TBCK: variants seen among roughly 807,000 people sequenced by gnomAD.
The protein encoded by TBCK is TBC1 domain containing kinase.
In TBCK, 99 loss-of-function variants were observed where a neutral mutation model predicts 113.4. That is an observed-to-expected ratio of 0.87 (90% CI 0.74 to 1.03). TBCK has a LOEUF of 1.03. Ranked by LOEUF, TBCK falls within the 50% of genes least tolerant of loss-of-function variation. The pLI is 0.00. For missense variants in TBCK, 1,045 were observed against 1,061.3 expected (o/e 0.98, Z 0.21); for synonymous variants, 369 against 370.8 (o/e 1.00, Z 0.05).
At chr4:106,280,752 T>G (rs992200625) in intron 3 of TBCK, among the ~76,000 whole-genome samples, 6 of 152,120 alleles carry the variant, frequency 3.9e-5, no homozygotes, top group African/African-American at 9.7e-5. Context: ...ATGTAAGGAT[T>G]TGTTTCTGGT....
chr4:106,176,251 A>G (rs986715671), intron 22 of TBCK, among the ~76,000 whole-genome samples: 9 of 152,074 alleles, frequency 5.9e-5, no homozygotes, highest in African/African-American at 2.2e-4. Flanking sequence ...TGTGCTGTCT[A>G]TTGAACAACA....
chr4:106,152,959 T>A (rs1363135654), intron 23 of TBCK, among the ~76,000 whole-genome samples: 1 of 151,298 alleles, frequency 6.6e-6, no homozygotes, highest in Admixed American at 6.6e-5. Context: ...GATCTTCTCG[T>A]TTTTTGGTTA....
intron 23 of TBCK, among the ~76,000 whole-genome samples, chr4:106,130,599 C>T (rs959877997): frequency 6.6e-6 from 1 of 150,442 alleles, no homozygotes; most frequent in South Asian, 2.1e-4. Context: ...TACACACACA[C>T]ACACACACAC....
upstream of TBCK, chr4:106,316,404 G>T: frequency 1.3e-6 from 1 of 751,142 alleles, no homozygotes. Flanking sequence ...AAGACGAGGA[G>T]CGTGGTATGG....
chr4:106,070,989 A>G (rs1000846196), intron 25 of TBCK, among the ~76,000 whole-genome samples: 2 of 150,306 alleles, frequency 1.3e-5, no homozygotes, highest in Admixed American at 1.3e-4. Flanking sequence ...CGGTGGTGAT[A>G]TCCCTTTTAT....
At chr4:106,196,502 C>G (rs900767064) in intron 20 of TBCK, among the ~76,000 whole-genome samples, 1 of 151,896 alleles carries the variant, frequency 6.6e-6, no homozygotes, top group African/African-American at 2.4e-5. Context: ...GCATTTCACT[C>G]AATTGAGTAT....
At chr4:106,079,830 A>T (rs1374784421) in intron 25 of TBCK, among the ~76,000 whole-genome samples, 1 of 152,172 alleles carries the variant, frequency 6.6e-6, no homozygotes, top group Non-Finnish European at 1.5e-5. Context: ...AGCTTCAGGA[A>T]ATGTACAATC....
chr4:106,226,005 A>T (rs868365530), intron 19 of TBCK, among the ~76,000 whole-genome samples: 1 of 152,028 alleles, frequency 6.6e-6, no homozygotes, highest in Admixed American at 6.5e-5. Flanking sequence ...TCTACAAAAA[A>T]ATACAAAAAT....
intron 23 of TBCK, among the ~76,000 whole-genome samples, chr4:106,129,564 G>A (rs1745633960): frequency 6.6e-6 from 1 of 152,022 alleles, no homozygotes; most frequent in Non-Finnish European, 1.5e-5. Context: ...TGTATGTGAA[G>A]AATACAAATT....
chr4:106,298,909 C>T (rs559996671), intron 2 of TBCK, among the ~76,000 whole-genome samples: 1 of 152,164 alleles, frequency 6.6e-6, no homozygotes, highest in Non-Finnish European at 1.5e-5. Context: ...AGATTCGGTA[C>T]AATCCTCAGT....
In TBCK at chr4:106,244,752, T is replaced by G; in HGVS notation, c.944A>C (p.Asp315Ala). 6.3e-7 allele frequency: 1 copy of G among 1,585,378 alleles called. No individual in the cohort carries two copies. Among genetic ancestry groups the G allele is most frequent in the Non-Finnish European group, 8.6e-7 (1 of 1,163,516 alleles). ...ISQLCKDINN[D>A]YLAERSIEEV... is the part of the protein sequence containing the mutation. ...TTCAATAGATCTTTCTGCCAGGTAA[T>G]CATTATTTATATCTATTAAAAGCAA... is the stretch of plus-strand genomic sequence containing the variant. The change falls in exon 11 of 26, where the codon GAT becomes GCT. Residue 315 changes from aspartate (D) to alanine (A), a missense_variant. Transcript: ENST00000394708.
At chr4:106,308,556 G>A (rs1252491853) in intron 2 of TBCK, among the ~76,000 whole-genome samples, 2 of 152,162 alleles carry the variant, frequency 1.3e-5, no homozygotes, top group Admixed American at 6.5e-5. Context: ...GTATGCAATA[G>A]CCTAGTAAAG....
intron 25 of TBCK, among the ~76,000 whole-genome samples, chr4:106,091,028 C>G (rs1740163231): frequency 1.3e-5 from 2 of 152,168 alleles, no homozygotes; most frequent in South Asian, 4.1e-4. Context: ...AGCAACACCC[C>G]ACTCCTGGTA....
chr4:106,220,582 T>C (rs1757563129), intron 19 of TBCK, among the ~76,000 whole-genome samples: 1 of 151,972 alleles, frequency 6.6e-6, no homozygotes, highest in African/African-American at 2.4e-5. Context: ...GAATTCCTCA[T>C]TTAATGTGAA....
chr4:106,308,639 G>C, intron 2 of TBCK, 129 bp downstream of exon 2: 1 of 820,636 alleles, frequency 1.2e-6, no homozygotes, highest in Non-Finnish European at 1.9e-6. Flanking sequence ...TGGGGGAAAA[G>C]GATGAGAGAA....
At chr4:106,196,500 C>T (rs973434608) in intron 20 of TBCK, among the ~76,000 whole-genome samples, 1 of 151,950 alleles carries the variant, frequency 6.6e-6, no homozygotes, top group Non-Finnish European at 1.5e-5. Flanking sequence ...TTGCATTTCA[C>T]TCAATTGAGT....
intron 23 of TBCK, among the ~76,000 whole-genome samples, chr4:106,159,996 G>A (rs1265249156): frequency 6.6e-6 from 1 of 152,014 alleles, no homozygotes; most frequent in Non-Finnish European, 1.5e-5. Flanking sequence ...TAAGTTCTGA[G>A]AAGGGTAGCT....
chr4:106,093,952 G>C (rs932256142), intron 25 of TBCK, among the ~76,000 whole-genome samples: 54 of 152,292 alleles, frequency 3.5e-4, no homozygotes, highest in African/African-American at 1.3e-3. Flanking sequence ...TGTAACAAAT[G>C]TACCACTCTG....
chr4:106,311,739 A>G (rs1768215917), intron 1 of TBCK, among the ~76,000 whole-genome samples: 1 of 152,122 alleles, frequency 6.6e-6, no homozygotes, highest in African/African-American at 2.4e-5. Context: ...ATTTATCTAC[A>G]TATGTGTGTG....
Sources: allele counts gnomAD v4.1 joint callset (sites outside exome capture counted in the v4.1 genomes callset), GRCh38; gene constraint gnomAD v4.1.1; transcripts MANE v1.5; gene names NCBI Gene and HGNC (gene_info 2026-07-23, HGNC 2026-07-21).